GRID1: variants seen among roughly 807,000 people sequenced by gnomAD.
GRID1 encodes glutamate receptor ionotropic, delta-1.
Under a neutral mutation model 98.0 loss-of-function variants are expected in GRID1, and 28 were observed. The ratio of observed to expected loss-of-function variants is 0.29; its 90% CI spans 0.21 to 0.39. The LOEUF (loss-of-function observed/expected upper bound fraction) is 0.39. GRID1 is among the 10% of genes least tolerant of loss of function. The pLI is 1.00. For synonymous variants in GRID1, 553 were observed against 538.5 expected, an observed-to-expected ratio of 1.03 and a Z score of -0.37; for missense variants, 1,111 against 1,340.5, an observed-to-expected ratio of 0.83 and a Z score of 2.67.
At chr10:85,727,421 GA>G (rs1253845475) in intron 10 of GRID1, among the ~76,000 whole-genome samples, 8 of 152,106 alleles carry the variant, frequency 5.3e-5, no homozygotes, top group Admixed American at 3.9e-4. Flanking sequence ...GGACCTGGGG[GA>G]TGCCACACCA....
chr10:85,893,745 G>T (rs879227396), intron 5 of GRID1, among the ~76,000 whole-genome samples: 1 of 152,162 alleles, frequency 6.6e-6, no homozygotes, highest in East Asian at 1.9e-4. Flanking sequence ...TAAATGAAAA[G>T]ATATGCTTTG....
intron 4 of GRID1, among the ~76,000 whole-genome samples, chr10:85,954,243 T>C (rs1451319949): frequency 6.6e-6 from 1 of 152,176 alleles, no homozygotes; most frequent in African/African-American, 2.4e-5. Flanking sequence ...AGGATGGCAA[T>C]AGAGGATGTT....
intron 4 of GRID1, among the ~76,000 whole-genome samples, chr10:85,983,858 G>C (rs570648304): frequency 2.0e-5 from 3 of 152,238 alleles, no homozygotes; most frequent in African/African-American, 7.2e-5. Flanking sequence ...CATGAGCTTG[G>C]GGGTTGCTAA....
At chr10:86,234,060 C>G (rs1846498338) in intron 2 of GRID1, among the ~76,000 whole-genome samples, 1 of 152,134 alleles carries the variant, frequency 6.6e-6, no homozygotes, top group African/African-American at 2.4e-5. Flanking sequence ...CCCTTCAGGA[C>G]TAGGGACAGG....
chr10:86,272,835 T>C (rs1280871148), intron 2 of GRID1, among the ~76,000 whole-genome samples: 1 of 152,182 alleles, frequency 6.6e-6, no homozygotes, highest in Admixed American at 6.5e-5. Context: ...AGATGCATGC[T>C]AAGAAAAGAA....
intron 15 of GRID1, among the ~76,000 whole-genome samples, chr10:85,609,343 C>T: frequency 6.6e-6 from 1 of 152,326 alleles, no homozygotes; most frequent in East Asian, 1.9e-4. Context: ...GATAGAGTAG[C>T]CCCTTGGCCA....
chr10:86,130,104 C>T (rs1336997971), intron 4 of GRID1, among the ~76,000 whole-genome samples: 2 of 152,240 alleles, frequency 1.3e-5, no homozygotes, highest in Admixed American at 1.3e-4. Flanking sequence ...CATGAGCCAG[C>T]CCAGCTGAGA....
At chr10:85,775,382 T>C (rs1842320136) in intron 8 of GRID1, among the ~76,000 whole-genome samples, 1 of 151,858 alleles carries the variant, frequency 6.6e-6, no homozygotes, top group Non-Finnish European at 1.5e-5. Context: ...TGCTAAATGA[T>C]GAGTTAATGG....
At chr10:85,709,715 TAAGA>T (rs1424323683) in intron 12 of GRID1, among the ~76,000 whole-genome samples, 5 of 152,188 alleles carry the variant, frequency 3.3e-5, no homozygotes, top group Admixed American at 1.3e-4. Flanking sequence ...ATTTAAAAGA[TAAGA>T]AAGAGAGGAA....
intron 4 of GRID1, among the ~76,000 whole-genome samples, chr10:86,076,686 A>G (rs1276160759): frequency 2.0e-5 from 3 of 152,300 alleles, no homozygotes; most frequent in South Asian, 2.1e-4. Flanking sequence ...ATTTTGGGCC[A>G]TTCAGTCCTT....
intron 12 of GRID1, among the ~76,000 whole-genome samples, chr10:85,688,213 G>A (rs573018287): frequency 2.0e-5 from 3 of 152,312 alleles, no homozygotes; most frequent in Admixed American, 6.5e-5. Context: ...GGGGGAAGCC[G>A]TGAAGGCAGG....
At chr10:85,634,249 C>CCTCACTCTCTCTCTCTCTCT (rs1843008180) in intron 13 of GRID1, among the ~76,000 whole-genome samples, 1 of 92,314 alleles carries the variant, frequency 1.1e-5, no homozygotes, top group Non-Finnish European at 2.1e-5. Flanking sequence ...TGATGGGGCA[C>CCTCACTCTCTCTCTCTCTCT]CTCTCTCTCT....
intron 2 of GRID1, among the ~76,000 whole-genome samples, chr10:86,220,394 C>T (rs1846235735): frequency 6.6e-6 from 1 of 152,172 alleles, no homozygotes; most frequent in Non-Finnish European, 1.5e-5. Context: ...ATGCCCTACC[C>T]TGAAAACGCG....
chr10:86,318,665 GA>G (rs1452117396), intron 2 of GRID1, among the ~76,000 whole-genome samples: 1 of 152,234 alleles, frequency 6.6e-6, no homozygotes, highest in East Asian at 1.9e-4. Context: ...GGACAGCAGG[GA>G]AGAGGAACTC....
At chr10:85,836,921 A>G (rs999768171) in intron 8 of GRID1, among the ~76,000 whole-genome samples, 3 of 152,214 alleles carry the variant, frequency 2.0e-5, no homozygotes, top group East Asian at 3.9e-4. Flanking sequence ...GAGAGCTCCA[A>G]TGAAGTGGCT....
At chr10:85,606,707 G>A (rs1175514748) in intron 15 of GRID1, 1 of 152,134 alleles carries the variant, frequency 6.6e-6, no homozygotes, top group African/African-American at 2.4e-5. Context: ...AGTCATGTCT[G>A]TCTGTTCCTT....
intron 3 of GRID1, among the ~76,000 whole-genome samples, chr10:86,146,661 CATATATTTCCTGAACA>C (rs1845093826): frequency 2.0e-5 from 3 of 152,166 alleles, no homozygotes; most frequent in Non-Finnish European, 4.4e-5. Context: ...CTTCCTTCCT[CATATATTTCCTGAACA>C]CTGTCCTGGG....
At chr10:86,179,636 C>A (rs984286974) in intron 3 of GRID1, among the ~76,000 whole-genome samples, 1 of 152,204 alleles carries the variant, frequency 6.6e-6, no homozygotes, top group African/African-American at 2.4e-5. Context: ...CAACTGGCCA[C>A]GGGACAGTGT....
At chr10:85,644,575 A>T (rs888669841) in intron 13 of GRID1, among the ~76,000 whole-genome samples, 1 of 152,120 alleles carries the variant, frequency 6.6e-6, no homozygotes, top group Non-Finnish European at 1.5e-5. Flanking sequence ...ATCTTTCTTT[A>T]TATTGTTAAT....
Sources: allele counts gnomAD v4.1 joint callset (sites outside exome capture counted in the v4.1 genomes callset), GRCh38; gene constraint gnomAD v4.1.1; transcripts MANE v1.5; gene names NCBI Gene and HGNC (gene_info 2026-07-23, HGNC 2026-07-21).